The following PIH1D2 variants were observed in gnomAD, a reference collection of about 807,000 sequenced individuals.
PIH1D2 encodes the protein PIH1 domain-containing protein 2.
In PIH1D2, 25 loss-of-function variants were observed where a neutral mutation model predicts 31.2. The observed-to-expected ratio is 0.80, with a 90% CI of 0.58 to 1.12. The LOEUF (loss-of-function observed/expected upper bound fraction) is 1.12, where lower values mean the gene tolerates loss of function less well. PIH1D2 is among the 50% of genes most tolerant of loss of function. The probability of loss-of-function intolerance (pLI) is 0.00; values close to 1 mark genes in which losing one functional copy is unlikely to be tolerated. For missense variants in PIH1D2, 310 were observed against 356.6 expected (o/e 0.87, Z 1.05); for synonymous variants, 116 against 119.9 (o/e 0.97, Z 0.21).
intron 5 of PIH1D2, among the ~76,000 whole-genome samples, chr11:112,068,549 G>T (rs1279202400): frequency 6.6e-6 from 1 of 152,166 alleles, no homozygotes; most frequent in Non-Finnish European, 1.5e-5. Context: ...TTGGGAGGCT[G>T]AGGGCAGGTG....
chr11:112,055,949 C>T, the PIH1D2 span, among the ~76,000 whole-genome samples: 399 of 136,064 alleles, frequency 2.9e-3, no homozygotes, highest in African/African-American at 1.0e-2. Context: ...CTCATTGCAA[C>T]CTCCGCCTCC....
At chr11:112,066,695 C>T (rs587739326), downstream of PIH1D2, among the ~76,000 whole-genome samples, 5 of 151,602 alleles carry the variant, frequency 3.3e-5, no homozygotes, top group South Asian at 2.1e-4. Flanking sequence ...TCCAATCTAT[C>T]GACAAGTCTA....
At chr11:112,061,882 CA>C (rs781883105), downstream of PIH1D2, among the ~76,000 whole-genome samples, 12 of 152,226 alleles carry the variant, frequency 7.9e-5, no homozygotes, top group Non-Finnish European at 1.6e-4. Context: ...TGTGCCTGGC[CA>C]GAGTCTCAGT....
downstream of PIH1D2, chr11:112,061,034 C>T (rs1864582654): frequency 2.5e-6 from 4 of 1,579,554 alleles, no homozygotes; most frequent in Admixed American, 1.8e-5. Flanking sequence ...TTTTTTTCCT[C>T]TAGGGTGGCA....
chr11:112,067,878 A>G lies in PIH1D2; in HGVS notation c.941T>C (p.Leu314Ser). Residue 314 changes from leucine to serine, a missense_variant, in exon 6 of 6, where the codon TTG (leucine) becomes TCG (serine). Transcript: ENST00000280350. ...EKSTLIITMP[L>S]V ...ACATATGATGCTCTTCTTTCACACC[A>G]AAGGCATTGTGATGATTAGCGTGGA... The G allele has an allele frequency of 6.2e-7, 1 of 1,612,082 alleles. No individual in the cohort carries two copies. Among genetic ancestry groups the G allele is most frequent in the Non-Finnish European group, 8.5e-7 (1 of 1,179,398 alleles).
chr11:112,066,435 C>T (rs587668795), downstream of PIH1D2, among the ~76,000 whole-genome samples: 1 of 151,688 alleles, frequency 6.6e-6, no homozygotes, highest in Non-Finnish European at 1.5e-5. Context: ...GAGGTCAGTT[C>T]GAAACCAGCC....
chr11:112,062,095 T>A (rs188417776), downstream of PIH1D2, among the ~76,000 whole-genome samples: 112 of 152,328 alleles, frequency 7.4e-4, 1 homozygote, highest in East Asian at 0.018. Context: ...CTGGGACATA[T>A]GGCTGCTGTT....
chr11:112,064,911 G>C (rs1213363902), downstream of PIH1D2, among the ~76,000 whole-genome samples: 1 of 147,294 alleles, frequency 6.8e-6, no homozygotes, highest in African/African-American at 2.5e-5. Flanking sequence ...CACAATATCA[G>C]CTCACTGCAA....
downstream of PIH1D2, among the ~76,000 whole-genome samples, chr11:112,064,890 G>C (rs909287089): frequency 6.7e-6 from 1 of 149,712 alleles, no homozygotes; most frequent in Non-Finnish European, 1.5e-5. Context: ...GCCCAGGCTG[G>C]AGTCCAGTGG....
downstream of PIH1D2, among the ~76,000 whole-genome samples, chr11:112,061,908 T>C (rs1864652060): frequency 6.6e-6 from 1 of 152,124 alleles, no homozygotes; most frequent in Non-Finnish European, 1.5e-5. Flanking sequence ...TATATAGTTA[T>C]TGGCATGCTA....
At chr11:112,064,750 G>A (rs587701844), downstream of PIH1D2, among the ~76,000 whole-genome samples, 3 of 152,016 alleles carry the variant, frequency 2.0e-5, no homozygotes, top group East Asian at 3.9e-4. Context: ...TTCATCATGT[G>A]TAATGCACAA....
downstream of PIH1D2, chr11:112,059,869 GTTT>G: frequency 6.6e-7 from 1 of 1,518,102 alleles, no homozygotes; most frequent in African/African-American, 1.4e-5. Flanking sequence ...TTAATAAACA[GTTT>G]TTTATTATAT....
rs782496936 is a variant in PIH1D2 at position 112,070,038 on chromosome 11, G to A, written c.813+398C>T. The A allele has an allele frequency of 2.8e-5, 7 of 254,386 alleles. 1 individual carries two copies. The South Asian group carries it at 5.7e-4, about 21-fold the overall frequency. 15.8% of individuals were successfully genotyped at this position (254,386 alleles called of 1,614,324 possible). A position where few individuals can be genotyped will look rare whatever the true frequency, so the allele number is the denominator to read the frequency against. ...TATTTGCAACCAAGAGTGTAGACTG[G>A]TAGACTGTAGGACTGACTCTAACTA... is the stretch of plus-strand genomic sequence containing the variant. On this transcript the variant is annotated intron_variant, in intron 5 of 5. Coordinates refer to ENST00000280350, the MANE Select transcript of PIH1D2 (RefSeq NM_138789.4).
chr11:112,055,002 G>A, the PIH1D2 span, among the ~76,000 whole-genome samples: 1 of 152,064 alleles, frequency 6.6e-6, no homozygotes, highest in Non-Finnish European at 1.5e-5. Flanking sequence ...TCTTATCTCA[G>A]GATCCTAATT....
At chr11:112,062,596 A>G (rs1864707294), downstream of PIH1D2, 1 of 1,563,908 alleles carries the variant, frequency 6.4e-7, no homozygotes, top group Middle Eastern at 2.3e-4. Flanking sequence ...CAAGATATTT[A>G]TATGTTATTA....
rs371989383 is a variant in PIH1D2 at position 112,068,997 on chromosome 11, TG to T, written c.814-993del. Among the ~76,000 whole-genome samples the T allele has an allele frequency of 6.2e-3, 795 of 128,522 alleles. 31 individuals carry two copies. Among genetic ancestry groups the T allele is most frequent in the African/African-American group, 0.024 (745 of 31,286 alleles). The allele number at this position is 128,522 out of a possible 152,430, so 84.3% of individuals were successfully genotyped here. A position where few individuals can be genotyped will look rare whatever the true frequency, so the allele number is the denominator to read the frequency against. On this transcript the variant is annotated intron_variant, in intron 5 of 5. Coordinates refer to ENST00000280350, the MANE Select transcript of PIH1D2 (RefSeq NM_138789.4). ...AATTTTTTTTGTTTTTTTTTTTTTTTGTTTTTTTTTTTTTGAGGGGAGACAG... is the reference window on the plus strand; with the variant it reads ...AATTTTTTTTGTTTTTTTTTTTTTTTTTTTTTTTTTTTTGAGGGGAGACAG...
In PIH1D2 at chr11:112,073,160, T is replaced by C. The variant is rs144247300; in HGVS notation, c.15A>G (p.Ser5=). 6 of 1,612,094 alleles carry C rather than the reference T, an allele frequency of 3.7e-6. No individual in the cohort carries two copies. Among genetic ancestry groups the C allele is most frequent in the African/African-American group, 2.7e-5 (2 of 74,860 alleles). METS[S]KGLLTQVTQF... is the part of the protein sequence containing the mutation. ...GAGTAACTTGGGTAAGCAGACCTTT[T>C]GAGGATGTCTCCATGACTTATGAGT... The change falls in exon 2 of 6, where the codon TCA becomes TCG. Residue 5 remains serine (S), a synonymous_variant. Transcript: ENST00000280350.
At chr11:112,068,422 G>C (rs1865003099) in intron 5 of PIH1D2, among the ~76,000 whole-genome samples, 1 of 152,174 alleles carries the variant, frequency 6.6e-6, no homozygotes, top group African/African-American at 2.4e-5. Flanking sequence ...TGTTGGTTCT[G>C]TTCACTACAT....
the PIH1D2 span, among the ~76,000 whole-genome samples, chr11:112,053,722 G>A: frequency 6.6e-6 from 1 of 152,082 alleles, no homozygotes; most frequent in Admixed American, 6.5e-5. Context: ...CAAAGTGCTG[G>A]GATCACAGGT....
Sources: allele counts gnomAD v4.1 joint callset (sites outside exome capture counted in the v4.1 genomes callset), GRCh38; gene constraint gnomAD v4.1.1; transcripts MANE v1.5; gene names NCBI Gene and HGNC (gene_info 2026-07-23, HGNC 2026-07-21).